The following MAGI2 variants were observed in gnomAD, a reference collection of about 807,000 sequenced individuals.
The protein encoded by MAGI2 is membrane associated guanylate kinase, WW and PDZ domain containing 2, also known as membrane-associated guanylate kinase, WW and PDZ domain-containing protein 2.
A neutral mutation model predicts 133.3 loss-of-function variants in MAGI2; 35 were observed. The ratio of observed to expected loss-of-function variants is 0.26; its 90% CI spans 0.20 to 0.35. The LOEUF is 0.35. Ranked by LOEUF, MAGI2 falls within the 10% of genes least tolerant of loss-of-function variation. The pLI, the probability that MAGI2 is intolerant of heterozygous loss-of-function variation, is 1.00. For synonymous variants in MAGI2, 729 were observed against 710.6 expected (o/e 1.03, Z -0.41); for missense variants, 1,636 against 1,863.4 (o/e 0.88, Z 2.25).
chr7:78,424,477 G>C (rs1391984922), intron 6 of MAGI2, among the ~76,000 whole-genome samples: 1 of 152,118 alleles, frequency 6.6e-6, no homozygotes, highest in African/African-American at 2.4e-5. Context: ...GTCCTTACTG[G>C]GGCACCTCCT....
At chr7:79,319,534 C>T (rs1004016408) in intron 1 of MAGI2, among the ~76,000 whole-genome samples, 4 of 152,034 alleles carry the variant, frequency 2.6e-5, no homozygotes, top group South Asian at 2.1e-4. Context: ...AAGGGAGTAG[C>T]GAGCACAGCC....
intron 1 of MAGI2, among the ~76,000 whole-genome samples, chr7:79,087,974 T>C (rs73369322): frequency 0.046 from 7,044 of 152,000 alleles, 527 homozygotes; most frequent in African/African-American, 0.16. Flanking sequence ...ATTTTTACTA[T>C]GCAGCCTTAT....
intron 9 of MAGI2, among the ~76,000 whole-genome samples, chr7:78,258,320 T>G (rs1412454018): frequency 1.3e-5 from 2 of 152,130 alleles, no homozygotes; most frequent in African/African-American, 4.8e-5. Flanking sequence ...CATCTCAGTG[T>G]CCCAGAGAAG....
At chr7:79,156,007 G>A (rs1485858127) in intron 1 of MAGI2, among the ~76,000 whole-genome samples, 2 of 152,118 alleles carry the variant, frequency 1.3e-5, no homozygotes, top group Non-Finnish European at 2.9e-5. Context: ...ATGAGGAATG[G>A]AATGTTGCTT....
intron 9 of MAGI2, among the ~76,000 whole-genome samples, chr7:78,304,400 G>T (rs1798086773): frequency 6.6e-6 from 1 of 152,170 alleles, no homozygotes; most frequent in South Asian, 2.1e-4. Flanking sequence ...TAGTTGTGTG[G>T]CTTGCTCTTT....
At chr7:78,929,915 G>C (rs1021186184) in intron 2 of MAGI2, among the ~76,000 whole-genome samples, 6 of 152,010 alleles carry the variant, frequency 3.9e-5, no homozygotes, top group Non-Finnish European at 8.8e-5. Context: ...CTAAAAATAA[G>C]CTTCATGTAT....
rs183672982 is a variant in MAGI2, at chr7:79,434,956, C to T, written c.301+18064G>A. Reference sequence around the variant, plus strand: ...AAAAAGGGAGACTTCCTCCTGCCTGCTTGCCTTCAAACTGGAACATTGTTT... The same window carrying T: ...AAAAAGGGAGACTTCCTCCTGCCTGTTTGCCTTCAAACTGGAACATTGTTT... On this transcript the variant is annotated intron_variant, in intron 1 of 21. Transcript: ENST00000354212. Among the ~76,000 whole-genome samples, 562 of 152,320 alleles carry T rather than the reference C, an allele frequency of 3.7e-3. 7 individuals carry two copies. Among genetic ancestry groups the T allele is most frequent in the Middle Eastern group, 6.8e-3 (2 of 294 alleles).
At chr7:78,659,350 G>A (rs766878199) in intron 2 of MAGI2, among the ~76,000 whole-genome samples, 10 of 148,238 alleles carry the variant, frequency 6.7e-5, no homozygotes, top group African/African-American at 1.0e-4. Flanking sequence ...TCTTGAACCC[G>A]GGAGGTGAAG....
chr7:78,848,687 C>T (rs1409794775), intron 2 of MAGI2, among the ~76,000 whole-genome samples: 1 of 152,010 alleles, frequency 6.6e-6, no homozygotes, highest in African/African-American at 2.4e-5. Context: ...AGCTTAGTCC[C>T]TCTTTAAGAC....
rs1404542771 is a variant in MAGI2 at position 79,453,328 on chromosome 7, G to C, written c.-8C>G. 1.9e-6 allele frequency: 3 copies of C among 1,597,844 alleles called. No individual in the cohort carries two copies. The African/African-American group carries it at 4.0e-5, about 22-fold the overall frequency. On this transcript the variant is annotated 5_prime_UTR_variant, in exon 1 of 22. Transcript: ENST00000354212. ...TTTCAAGCTTTTGGACATGGCAGTG[G>C]GGCGAGTCGCCTCAGTTCCTGGGCT... is the stretch of plus-strand genomic sequence containing the variant.
intron 2 of MAGI2, among the ~76,000 whole-genome samples, chr7:78,767,136 C>G (rs1053736713): frequency 6.6e-6 from 1 of 151,980 alleles, no homozygotes; most frequent in Non-Finnish European, 1.5e-5. Flanking sequence ...ATTACAGGTG[C>G]GTGCCACCAC....
chr7:79,027,842 C>T (rs1045192067), intron 1 of MAGI2, among the ~76,000 whole-genome samples: 1 of 151,968 alleles, frequency 6.6e-6, no homozygotes. Flanking sequence ...CATGTGACTA[C>T]CCAAGAATAA....
At chr7:79,395,619 T>C (rs531967084) in intron 1 of MAGI2, among the ~76,000 whole-genome samples, 11 of 152,342 alleles carry the variant, frequency 7.2e-5, no homozygotes, top group Admixed American at 5.2e-4. Context: ...TAAAAGTTTA[T>C]GTTCTACAAT....
At chr7:78,070,548 ATG>A (rs1390816957) in intron 21 of MAGI2, among the ~76,000 whole-genome samples, 1 of 106,910 alleles carries the variant, frequency 9.4e-6, no homozygotes, top group African/African-American at 3.8e-5. Context: ...ATATGTATAT[ATG>A]TGTATATATG....
At chr7:78,727,238 C>T (rs182559587) in intron 2 of MAGI2, among the ~76,000 whole-genome samples, 23 of 152,094 alleles carry the variant, frequency 1.5e-4, no homozygotes, top group African/African-American at 4.1e-4. Flanking sequence ...ATAAGTTGAC[C>T]GATATTTTGT....
At chr7:78,363,434 G>A (rs1321799593) in intron 7 of MAGI2, among the ~76,000 whole-genome samples, 3 of 151,756 alleles carry the variant, frequency 2.0e-5, no homozygotes, top group African/African-American at 7.3e-5. Context: ...CGGAGCCTGT[G>A]GTGAGCTGAG....
Position 78,496,884 on chromosome 7 carries a change from C to T in MAGI2, c.965+4693G>A, listed in dbSNP as rs531693818. Among the ~76,000 whole-genome samples, 4 of 152,208 alleles carry T rather than the reference C, an allele frequency of 2.6e-5. No homozygotes were observed. The East Asian group carries it at 7.7e-4, about 29-fold the overall frequency. On this transcript the variant is annotated intron_variant, in intron 5 of 21. Coordinates refer to ENST00000354212, the MANE Select transcript of MAGI2 (RefSeq NM_012301.4). The stretch of plus-strand genomic sequence containing the variant: ...TCAGGGTTTAGAATGATTCCCAGGA[C>T]ATAATACATGACCAATAAACCTCTG...
chr7:79,034,214 T>G (rs560955870), intron 1 of MAGI2, among the ~76,000 whole-genome samples: 86 of 119,168 alleles, frequency 7.2e-4, no homozygotes, highest in African/African-American at 2.9e-3. Context: ...TAAATGTTGG[T>G]TTTTTTTACC....
chr7:78,023,681 C>T (rs1808633768), intron 21 of MAGI2, among the ~76,000 whole-genome samples: 2 of 152,202 alleles, frequency 1.3e-5, no homozygotes, highest in Non-Finnish European at 2.9e-5. Flanking sequence ...GCCCTCTCCA[C>T]CACTACCCTG....
Sources: gnomAD v4.1 joint callset for allele counts (sites outside exome capture counted in the v4.1 genomes callset) on GRCh38, gnomAD v4.1.1 for gene constraint, MANE v1.5 for transcripts, NCBI Gene and HGNC (gene_info 2026-07-23, HGNC 2026-07-21) for gene names.